The following THSD4 variants were observed in gnomAD, a reference collection of about 807,000 sequenced individuals.
THSD4 encodes thrombospondin type-1 domain-containing protein 4.
Under a neutral mutation model 119.0 loss-of-function variants are expected in THSD4, and 69 were observed. That is an observed-to-expected ratio of 0.58 (90% confidence interval 0.48 to 0.71). The LOEUF (loss-of-function observed/expected upper bound fraction) is 0.71. Among genes scored for constraint, THSD4 ranks in the 30% least tolerant of loss-of-function variants. THSD4 has a pLI of 0.00. For missense variants in THSD4, 1,393 were observed against 1,391.1 expected (o/e 1.00, Z -0.02); for synonymous variants, 524 against 540.4 (o/e 0.97, Z 0.42).
intron 17 of THSD4, among the ~76,000 whole-genome samples, chr15:71,775,660 G>T (rs963729793): frequency 3.9e-5 from 6 of 152,172 alleles, no homozygotes; most frequent in African/African-American, 1.4e-4. Context: ...GCAATGAGCT[G>T]AGATAGAGCC....
intron 6 of THSD4, among the ~76,000 whole-genome samples, chr15:71,271,730 G>A (rs2044532673): frequency 1.3e-5 from 2 of 152,046 alleles, no homozygotes; most frequent in Non-Finnish European, 2.9e-5. Context: ...ATTCCTGAAG[G>A]AGACTTTTAG....
intron 6 of THSD4, among the ~76,000 whole-genome samples, chr15:71,323,586 C>T (rs1026818718): frequency 6.6e-6 from 1 of 152,158 alleles, no homozygotes; most frequent in Admixed American, 6.5e-5. Flanking sequence ...GGTGCCAGAG[C>T]AGATCCTTAT....
intron 7 of THSD4, among the ~76,000 whole-genome samples, chr15:71,596,435 A>G (rs1327569978): frequency 1.3e-5 from 2 of 152,196 alleles, no homozygotes; most frequent in African/African-American, 4.8e-5. Context: ...CACTAAATGC[A>G]TCAGTGCCTC....
intron 7 of THSD4, among the ~76,000 whole-genome samples, chr15:71,643,055 A>G (rs954418826): frequency 2.0e-5 from 3 of 152,170 alleles, no homozygotes; most frequent in African/African-American, 7.2e-5. Context: ...CAACTGCCTC[A>G]GTTTTCTCAT....
intron 14 of THSD4, among the ~76,000 whole-genome samples, chr15:71,757,238 A>C (rs2053554636): frequency 6.6e-6 from 1 of 152,050 alleles, no homozygotes; most frequent in Non-Finnish European, 1.5e-5. Context: ...CTCTATACCA[A>C]GCTGTCTCCC....
chr15:71,139,848 C>G (rs2040586141), intron 1 of THSD4, among the ~76,000 whole-genome samples: 1 of 152,202 alleles, frequency 6.6e-6, no homozygotes, highest in African/African-American at 2.4e-5. Flanking sequence ...CCTGGCCCAC[C>G]TTGGAACCTT....
intron 6 of THSD4, among the ~76,000 whole-genome samples, chr15:71,322,111 T>C (rs1462121621): frequency 6.6e-6 from 1 of 152,210 alleles, no homozygotes; most frequent in Non-Finnish European, 1.5e-5. Flanking sequence ...TTAAAATTCA[T>C]TGACGTTTAT....
chr15:71,420,706 A>G (rs2046796464), intron 7 of THSD4, among the ~76,000 whole-genome samples: 1 of 107,710 alleles, frequency 9.3e-6, no homozygotes, highest in African/African-American at 3.2e-5. Flanking sequence ...ACTGATTATC[A>G]CTTAACATTT....
chr15:71,390,520 T>C (rs1019887534), intron 6 of THSD4, among the ~76,000 whole-genome samples: 1 of 152,232 alleles, frequency 6.6e-6, no homozygotes, highest in Admixed American at 6.5e-5. Context: ...TTTTGGATCT[T>C]GTATCTCCCT....
At chr15:71,344,325 G>A (rs749667539) in intron 6 of THSD4, among the ~76,000 whole-genome samples, 34 of 152,142 alleles carry the variant, frequency 2.2e-4, no homozygotes, top group Non-Finnish European at 4.0e-4. Flanking sequence ...TTACAGGCGT[G>A]AGCCACTGTG....
intron 1 of THSD4, among the ~76,000 whole-genome samples, chr15:71,137,480 C>T (rs1198196623): frequency 6.6e-6 from 1 of 152,214 alleles, no homozygotes; most frequent in Non-Finnish European, 1.5e-5. Context: ...CTGGGATCCA[C>T]AGTAAGAAAT....
intron 7 of THSD4, among the ~76,000 whole-genome samples, chr15:71,658,017 G>A (rs561714199): frequency 1.3e-5 from 2 of 152,216 alleles, no homozygotes; most frequent in African/African-American, 4.8e-5. Context: ...CATCTTTGGC[G>A]ACTCTCATTC....
At chr15:71,130,802 TG>T (rs1375569164) in intron 1 of THSD4, among the ~76,000 whole-genome samples, 3 of 152,212 alleles carry the variant, frequency 2.0e-5, no homozygotes, top group Non-Finnish European at 4.4e-5. Context: ...TGGAGTGCAG[TG>T]GTGCAATCTC....
intron 6 of THSD4, among the ~76,000 whole-genome samples, chr15:71,270,869 A>C (rs1224206302): frequency 6.6e-6 from 1 of 150,774 alleles, no homozygotes; most frequent in Non-Finnish European, 1.5e-5. Context: ...AAGGCATATT[A>C]GGAGTGTATG....
At chr15:71,354,892 A>G (rs2045788357) in intron 6 of THSD4, among the ~76,000 whole-genome samples, 1 of 152,178 alleles carries the variant, frequency 6.6e-6, no homozygotes, top group Non-Finnish European at 1.5e-5. Context: ...TTCATCTTGT[A>G]TGATGTCCCT....
At chr15:71,319,888 G>A (rs1382721423) in intron 6 of THSD4, among the ~76,000 whole-genome samples, 1 of 152,150 alleles carries the variant, frequency 6.6e-6, no homozygotes, top group Non-Finnish European at 1.5e-5. Flanking sequence ...GCAAAGGTAA[G>A]CAAATTCTTT....
chr15:71,482,352 A>G (rs11639083), intron 7 of THSD4, among the ~76,000 whole-genome samples: 135,275 of 147,288 alleles, frequency 0.92, 62,992 homozygotes, highest in East Asian at 1. Flanking sequence ...GTGCAGTGGC[A>G]CGATCTCGGC....
chr15:71,123,000 GGTGCTT>G (rs1220142748), intron 1 of THSD4, among the ~76,000 whole-genome samples: 1 of 152,210 alleles, frequency 6.6e-6, no homozygotes, highest in Non-Finnish European at 1.5e-5. Context: ...AAACAGAACA[GGTGCTT>G]GTTTTCTGCC....
chr15:71,173,745 C>T (rs1246534485), intron 3 of THSD4, among the ~76,000 whole-genome samples: 2 of 151,892 alleles, frequency 1.3e-5, no homozygotes, highest in Non-Finnish European at 2.9e-5. Context: ...AGTTGGAGGA[C>T]TCATACTTTC....
Sources: allele counts gnomAD v4.1 joint callset (sites outside exome capture counted in the v4.1 genomes callset), GRCh38; gene constraint gnomAD v4.1.1; transcripts MANE v1.5; gene names NCBI Gene and HGNC (gene_info 2026-07-23, HGNC 2026-07-21).